Variants in CTIF observed in about 807,000 individuals in gnomAD.
CTIF encodes the protein CBP80/20-dependent translation initiation factor.
CTIF carries 21 observed loss-of-function variants against 66.0 expected under a neutral mutation model. The ratio of observed to expected loss-of-function variants is 0.32; its 90% CI spans 0.23 to 0.46. CTIF has a LOEUF of 0.46. CTIF is among the 20% of genes least tolerant of loss of function. The pLI is 1.00. For synonymous variants in CTIF, 345 were observed against 326.4 expected, an observed-to-expected ratio of 1.06 and a Z score of -0.62; for missense variants, 739 against 812.7, an observed-to-expected ratio of 0.91 and a Z score of 1.10.
intron 2 of CTIF, among the ~76,000 whole-genome samples, chr18:48,633,592 C>G (rs1212422649): frequency 6.6e-6 from 1 of 151,928 alleles, no homozygotes; most frequent in Non-Finnish European, 1.5e-5. Flanking sequence ...ATCCCAGCTA[C>G]TCAGGAGGCT....
intron 6 of CTIF, among the ~76,000 whole-genome samples, chr18:48,682,667 G>A (rs1228869364): frequency 6.6e-6 from 1 of 152,198 alleles, no homozygotes; most frequent in Admixed American, 6.5e-5. Context: ...CTCAAATGAA[G>A]GACAAAGAAT....
chr18:48,561,407 T>C (rs1222052566), intron 1 of CTIF, among the ~76,000 whole-genome samples: 1 of 152,202 alleles, frequency 6.6e-6, no homozygotes, highest in Non-Finnish European at 1.5e-5. Flanking sequence ...TGGAGCTTTA[T>C]TTCTTCAGCC....
chr18:48,593,469 C>T (rs1599205341), intron 1 of CTIF, among the ~76,000 whole-genome samples: 1 of 151,650 alleles, frequency 6.6e-6, no homozygotes, highest in African/African-American at 2.4e-5. Flanking sequence ...CAAGCTCTGC[C>T]TCCCGGGTTC....
At chr18:48,699,280 G>A (rs2092049749) in intron 6 of CTIF, among the ~76,000 whole-genome samples, 1 of 152,170 alleles carries the variant, frequency 6.6e-6, no homozygotes, top group Non-Finnish European at 1.5e-5. Context: ...TCCTCTGGGA[G>A]ACAGGCCCCT....
chr18:48,590,364 G>A (rs931254451), intron 1 of CTIF, among the ~76,000 whole-genome samples: 1 of 152,248 alleles, frequency 6.6e-6, no homozygotes, highest in Non-Finnish European at 1.5e-5. Context: ...GCCCGGAACT[G>A]GCCTGCCCCT....
At chr18:48,856,053 T>A (rs938544194) in intron 10 of CTIF, among the ~76,000 whole-genome samples, 5 of 152,046 alleles carry the variant, frequency 3.3e-5, no homozygotes, top group African/African-American at 1.2e-4. Context: ...AATAACTATT[T>A]GGGGAGGAAA....
chr18:48,671,549 CTAT>C, intron 6 of CTIF, among the ~76,000 whole-genome samples: 1 of 152,268 alleles, frequency 6.6e-6, no homozygotes, highest in African/African-American at 2.4e-5. Flanking sequence ...TGCCTTGGGC[CTAT>C]CAATGAGAGA....
intron 1 of CTIF, among the ~76,000 whole-genome samples, chr18:48,589,470 A>G (rs1430439804): frequency 6.6e-6 from 1 of 152,220 alleles, no homozygotes; most frequent in Non-Finnish European, 1.5e-5. Flanking sequence ...GTATGACCCC[A>G]TCCTAACTTG....
chr18:48,556,713 C>G (rs558948488), intron 1 of CTIF, among the ~76,000 whole-genome samples: 1 of 152,128 alleles, frequency 6.6e-6, no homozygotes, highest in African/African-American at 2.4e-5. Context: ...TACAGGCACG[C>G]ACCACCACAC....
chr18:48,695,719 G>T (rs111842252), intron 6 of CTIF, among the ~76,000 whole-genome samples: 7 of 152,178 alleles, frequency 4.6e-5, no homozygotes, highest in Non-Finnish European at 2.9e-5. Flanking sequence ...ATTACAGCCC[G>T]TTGCTATCAT....
At chr18:48,673,579 G>A (rs2091574349) in intron 6 of CTIF, 1 of 152,156 alleles carries the variant, frequency 6.6e-6, no homozygotes. Context: ...TCTGCTGAGG[G>A]TCCAGCTGGT....
At chr18:48,794,363 G>A (rs1325695057) in intron 9 of CTIF, among the ~76,000 whole-genome samples, 3 of 152,200 alleles carry the variant, frequency 2.0e-5, no homozygotes, top group Non-Finnish European at 4.4e-5. Context: ...GGAAAGACAG[G>A]GTCGGGGAAA....
At chr18:48,596,033 C>T (rs1157371112) in intron 1 of CTIF, among the ~76,000 whole-genome samples, 1 of 152,150 alleles carries the variant, frequency 6.6e-6, no homozygotes, top group Non-Finnish European at 1.5e-5. Flanking sequence ...GACATCCTAT[C>T]ACCTTTGTCA....
At chr18:48,744,928 T>C (rs771354883) in intron 7 of CTIF, among the ~76,000 whole-genome samples, 2 of 152,118 alleles carry the variant, frequency 1.3e-5, no homozygotes, top group Non-Finnish European at 2.9e-5. Context: ...ATTCATGCCA[T>C]TCTCCTGCCT....
At chr18:48,679,954 G>A (rs1403679535) in intron 6 of CTIF, among the ~76,000 whole-genome samples, 4 of 152,124 alleles carry the variant, frequency 2.6e-5, no homozygotes, top group South Asian at 2.1e-4. Flanking sequence ...AGGAGTCCTC[G>A]AGAGGGGAGA....
At chr18:48,766,004 C>T (rs1475615784) in intron 9 of CTIF, among the ~76,000 whole-genome samples, 1 of 149,218 alleles carries the variant, frequency 6.7e-6, no homozygotes, top group Non-Finnish European at 1.5e-5. Context: ...GCACAACATG[C>T]AGGTTAGTTA....
intron 6 of CTIF, among the ~76,000 whole-genome samples, chr18:48,688,794 G>C (rs544400468): frequency 6.6e-6 from 1 of 152,304 alleles, no homozygotes; most frequent in South Asian, 2.1e-4. Context: ...GAATTTCCTA[G>C]AGATCAGCAT....
chr18:48,736,023 A>G (rs1324833706), intron 7 of CTIF, among the ~76,000 whole-genome samples: 1 of 152,056 alleles, frequency 6.6e-6, no homozygotes, highest in Non-Finnish European at 1.5e-5. Flanking sequence ...GCCACGAAGC[A>G]TTTTCCCTGG....
In CTIF at chr18:48,860,780, C is replaced by T. The variant is rs2069448327; in HGVS notation, c.*1221C>T. Reference sequence around the variant, plus strand: ...TGAGCTCTTGGGAAAGGGGTGAATTCACTGGGTCATGGAAGGGACAGTCAG... The same window carrying T: ...TGAGCTCTTGGGAAAGGGGTGAATTTACTGGGTCATGGAAGGGACAGTCAG... On this transcript the variant is annotated 3_prime_UTR_variant, in exon 12 of 12. Coordinates refer to ENST00000256413, the MANE Select transcript of CTIF (RefSeq NM_014772.3). 1 of 152,254 alleles carries T rather than the reference C, an allele frequency of 6.6e-6. No homozygotes were observed. The highest frequency in any genetic ancestry group is 1.5e-5 in the Non-Finnish European group (1 of 68,060). The allele number at this position is 152,254 out of a possible 1,614,324, so 9.4% of individuals were successfully genotyped here. A position where few individuals can be genotyped will look rare whatever the true frequency, so the allele number is the denominator to read the frequency against.
Sources: allele counts gnomAD v4.1 joint callset (sites outside exome capture counted in the v4.1 genomes callset), GRCh38; gene constraint gnomAD v4.1.1; transcripts MANE v1.5; gene names NCBI Gene and HGNC (gene_info 2026-07-23, HGNC 2026-07-21).